The following GUCY1A1 variants were observed in gnomAD, a reference collection of about 807,000 sequenced individuals.
The protein encoded by GUCY1A1 is guanylate cyclase 1 soluble subunit alpha 1.
GUCY1A1 carries 48 observed loss-of-function variants against 64.5 expected under a neutral mutation model. The observed-to-expected ratio is 0.74, with a 90% CI of 0.59 to 0.95. The LOEUF (loss-of-function observed/expected upper bound fraction) is 0.95. Among genes scored for constraint, GUCY1A1 ranks in the 40% least tolerant of loss-of-function variants. GUCY1A1 has a pLI of 0.00. For synonymous variants in GUCY1A1, 308 were observed against 303.4 expected (o/e 1.02, Z -0.16); for missense variants, 804 against 825.3 (o/e 0.97, Z 0.32).
In GUCY1A1 at chr4:155,669,636, GATA is replaced by G. The variant is rs748281518; in HGVS notation, c.-113+2221_-113+2223del. Among the ~76,000 whole-genome samples, 23 of 151,858 alleles carry G rather than the reference GATA, an allele frequency of 1.5e-4. 1 individual carries two copies. Among genetic ancestry groups the G allele is most frequent in the Admixed American group, 9.8e-4 (15 of 15,246 alleles). ...TTTTAATATTTCACTACAAACAAGT[GATA>G]ATATTAAAATTAAAGTATATCTATT... On this transcript the variant is annotated intron_variant, in intron 2 of 9. Transcript: ENST00000506455.
intron 4 of GUCY1A1, among the ~76,000 whole-genome samples, chr4:155,706,249 A>G (rs75629058): frequency 6.6e-6 from 1 of 152,208 alleles, no homozygotes; most frequent in African/African-American, 2.4e-5. Context: ...AGTTGTTGAA[A>G]CAAGATTTTT....
rs988100827 is a variant in GUCY1A1 at position 155,730,721 on chromosome 4, A to C, written c.*490A>C. The C allele has an allele frequency of 2.0e-5, 3 of 153,692 alleles. No individual in the cohort carries two copies. The highest frequency in any genetic ancestry group is 7.2e-5 in the African/African-American group (3 of 41,404). The allele number at this position is 153,692 out of a possible 1,614,324, so 9.5% of individuals were successfully genotyped here. A position where few individuals can be genotyped will look rare whatever the true frequency, so the allele number is the denominator to read the frequency against. ...TATTGCATTTTCTCATTTAACTGTTAGTATATGTTTGAATATAGGCTGACT... is the reference window on the plus strand; with the variant it reads ...TATTGCATTTTCTCATTTAACTGTTCGTATATGTTTGAATATAGGCTGACT... On this transcript the variant is annotated 3_prime_UTR_variant, in exon 10 of 10. Transcript: ENST00000506455.
intron 6 of GUCY1A1, among the ~76,000 whole-genome samples, chr4:155,712,356 T>C (rs184495106): frequency 6.6e-6 from 1 of 152,322 alleles, no homozygotes; most frequent in Non-Finnish European, 1.5e-5. Flanking sequence ...GGTCTTGAAC[T>C]CCTGACCTTG....
At chr4:155,679,528 C>T (rs191011124) in intron 2 of GUCY1A1, among the ~76,000 whole-genome samples, 6 of 152,186 alleles carry the variant, frequency 3.9e-5, no homozygotes, top group South Asian at 2.1e-4. Context: ...AGAGAGGAGA[C>T]ACCAGGCTTT....
intron 3 of GUCY1A1, among the ~76,000 whole-genome samples, chr4:155,702,803 C>T (rs1013089087): frequency 2.6e-5 from 4 of 151,858 alleles, no homozygotes; most frequent in Non-Finnish European, 5.9e-5. Context: ...AAAACAGAAC[C>T]TTGATCTATT....
intron 8 of GUCY1A1, among the ~76,000 whole-genome samples, chr4:155,720,394 T>C (rs1038556904): frequency 1.3e-5 from 2 of 152,056 alleles, no homozygotes; most frequent in Non-Finnish European, 2.9e-5. Flanking sequence ...GCTAAATGTG[T>C]AAATTAATAT....
chr4:155,692,564 T>C (rs1413212040), intron 2 of GUCY1A1, among the ~76,000 whole-genome samples: 1 of 152,224 alleles, frequency 6.6e-6, no homozygotes, highest in Non-Finnish European at 1.5e-5. Flanking sequence ...GATGTTGAGC[T>C]TCTTTTCACA....
In GUCY1A1 at chr4:155,713,079, G is replaced by A. The variant is rs373873803; in HGVS notation, c.1087-19G>A. 2.5e-6 allele frequency: 4 copies of A among 1,581,190 alleles called. No individual in the cohort carries two copies. Among genetic ancestry groups the A allele is most frequent in the Non-Finnish European group, 3.4e-6 (4 of 1,162,682 alleles). ...GGGAAACTTGAATAAACCACAATTG[G>A]TTATCCTTTCCTTCATAGGTTATGG... On this transcript the variant is annotated intron_variant, in intron 6 of 9. Transcript: ENST00000506455.
At chr4:155,712,640 G>A (rs887092487) in intron 6 of GUCY1A1, among the ~76,000 whole-genome samples, 1 of 151,914 alleles carries the variant, frequency 6.6e-6, no homozygotes, top group African/African-American at 2.4e-5. Flanking sequence ...GGAGAAGTGG[G>A]GAAGAGAAGA....
intron 2 of GUCY1A1, among the ~76,000 whole-genome samples, chr4:155,679,799 T>C (rs1017324480): frequency 6.6e-6 from 1 of 152,222 alleles, no homozygotes; most frequent in Non-Finnish European, 1.5e-5. Flanking sequence ...CTATATGGAT[T>C]TCCAGTTGTT....
intron 7 of GUCY1A1, among the ~76,000 whole-genome samples, chr4:155,716,727 A>G (rs1197024416): frequency 1.3e-5 from 2 of 152,178 alleles, no homozygotes; most frequent in Admixed American, 1.3e-4. Flanking sequence ...TGTGACATTT[A>G]TTGAGTAGTG....
intron 2 of GUCY1A1, among the ~76,000 whole-genome samples, chr4:155,682,336 C>A (rs1054433781): frequency 6.6e-6 from 1 of 152,130 alleles, no homozygotes; most frequent in Non-Finnish European, 1.5e-5. Flanking sequence ...CTTATTCTCC[C>A]TTTTTATTGT....
chr4:155,696,001 G>A (rs1730358570), intron 2 of GUCY1A1, among the ~76,000 whole-genome samples: 1 of 152,158 alleles, frequency 6.6e-6, no homozygotes, highest in African/African-American at 2.4e-5. Context: ...GGGGAAATAT[G>A]CTGGAATGGC....
chr4:155,671,252 A>G (rs889023995), intron 2 of GUCY1A1, among the ~76,000 whole-genome samples: 1 of 151,956 alleles, frequency 6.6e-6, no homozygotes, highest in Admixed American at 6.6e-5. Context: ...ACTGTTATTT[A>G]TTTCACCAAC....
At chr4:155,694,611 A>G (rs910857547) in intron 2 of GUCY1A1, among the ~76,000 whole-genome samples, 1 of 152,200 alleles carries the variant, frequency 6.6e-6, no homozygotes, top group African/African-American at 2.4e-5. Flanking sequence ...ACAAGGTTGT[A>G]TTGGAACACA....
rs1735547162 is a variant in GUCY1A1, at chr4:155,731,528, T to C, written c.*1297T>C. ...TTCAACTTTTTCTTTTTGTTTTACA[T>C]AAACATTTAAGCAGCTAGGAACTTT... On this transcript the variant is annotated 3_prime_UTR_variant, in exon 10 of 10. Coordinates refer to ENST00000506455, the MANE Select transcript of GUCY1A1 (RefSeq NM_001130682.3). 6.6e-6 allele frequency: 1 copy of C among 151,844 alleles called. No homozygotes were observed. The highest frequency in any genetic ancestry group is 1.5e-5 in the Non-Finnish European group (1 of 67,830). 9.4% of individuals were successfully genotyped at this position (151,844 alleles called of 1,614,324 possible). A position where few individuals can be genotyped will look rare whatever the true frequency, so the allele number is the denominator to read the frequency against.
At chr4:155,728,264 A>G (rs563720869) in intron 9 of GUCY1A1, among the ~76,000 whole-genome samples, 11 of 152,002 alleles carry the variant, frequency 7.2e-5, no homozygotes, top group Non-Finnish European at 5.9e-5. Flanking sequence ...TGATTCCAGC[A>G]TTTGCCAATT....
Position 155,730,892 on chromosome 4 carries a change from G to A in GUCY1A1, c.*661G>A, listed in dbSNP as rs1735471189. ...TTAAAAATACTCTCCATAGTAACGT[G>A]TGTTATAATAATAAATATTTCTTTT... On this transcript the variant is annotated 3_prime_UTR_variant, in exon 10 of 10. Transcript: ENST00000506455. 6.5e-6 allele frequency: 1 copy of A among 153,064 alleles called. No individual in the cohort carries two copies. 9.5% of individuals were successfully genotyped at this position (153,064 alleles called of 1,614,324 possible).
rs529379799 is a variant in GUCY1A1 at position 155,699,299 on chromosome 4, AG to A, written c.255+2180del. On this transcript the variant is annotated intron_variant, in intron 3 of 9. Transcript: ENST00000506455. Reference sequence around the variant, plus strand: ...GTTCCATTCCTCTCTTTTCCTGCTGAGGGAGAAGTTTCTGGGTGGTGTGCCT... The same window carrying A: ...GTTCCATTCCTCTCTTTTCCTGCTGAGGAGAAGTTTCTGGGTGGTGTGCCT... Among the ~76,000 whole-genome samples the A allele has an allele frequency of 7.9e-5, 12 of 152,228 alleles. 1 individual carries two copies. In the South Asian group the frequency reaches 1.9e-3, roughly 24 times the overall value.
Sources: gnomAD v4.1 joint callset for allele counts (sites outside exome capture counted in the v4.1 genomes callset) on GRCh38, gnomAD v4.1.1 for gene constraint, MANE v1.5 for transcripts, NCBI Gene and HGNC (gene_info 2026-07-23, HGNC 2026-07-21) for gene names.